The following CERKL variants were observed in gnomAD, a reference collection of about 807,000 sequenced individuals.
CERKL encodes ceramide kinase-like protein.
In CERKL, 61 loss-of-function variants were observed where a neutral mutation model predicts 63.4. The ratio of observed to expected loss-of-function variants is 0.96; its 90% CI spans 0.78 to 1.19. The LOEUF is 1.19. CERKL is among the 50% of genes most tolerant of loss of function. The pLI is 0.00. For synonymous variants in CERKL, 250 were observed against 230.5 expected (o/e 1.08, Z -0.77); for missense variants, 675 against 655.5 (o/e 1.03, Z -0.33).
chr2:181,582,236 T>C (rs914528361), intron 2 of CERKL, among the ~76,000 whole-genome samples: 5 of 152,160 alleles, frequency 3.3e-5, no homozygotes, highest in African/African-American at 1.2e-4. Context: ...TTGAGTGGGA[T>C]TGTAATGCTT....
chr2:181,583,918 G>A (rs1684645398), intron 2 of CERKL, among the ~76,000 whole-genome samples: 1 of 152,292 alleles, frequency 6.6e-6, no homozygotes, highest in Non-Finnish European at 1.5e-5. Context: ...AGTATTAAAT[G>A]TTAATAAGCA....
intron 1 of CERKL, among the ~76,000 whole-genome samples, chr2:181,646,268 C>T (rs1687667465): frequency 6.6e-6 from 1 of 152,164 alleles, no homozygotes; most frequent in Non-Finnish European, 1.5e-5. Flanking sequence ...AGATAGCTTC[C>T]TAAATACTCC....
chr2:181,574,802 C>T (rs1005322981), intron 2 of CERKL, among the ~76,000 whole-genome samples: 5 of 152,108 alleles, frequency 3.3e-5, no homozygotes, highest in Non-Finnish European at 7.4e-5. Context: ...TTGTCCACTA[C>T]AAGAAGTCAG....
intron 1 of CERKL, among the ~76,000 whole-genome samples, chr2:181,629,406 G>A (rs1165230122): frequency 6.6e-6 from 1 of 152,158 alleles, no homozygotes; most frequent in Non-Finnish European, 1.5e-5. Flanking sequence ...GAATAAAGCA[G>A]GGTAATAGCC....
intron 10 of CERKL, 57 bp downstream of exon 10, chr2:181,547,561 G>A: frequency 7.1e-7 from 1 of 1,415,368 alleles, no homozygotes; most frequent in Non-Finnish European, 1.0e-6. Context: ...TGGATACCCT[G>A]GAAAAAAAAT....
chr2:181,608,190 T>C (rs1378490318), intron 1 of CERKL, among the ~76,000 whole-genome samples: 1 of 151,828 alleles, frequency 6.6e-6, no homozygotes, highest in Non-Finnish European at 1.5e-5. Flanking sequence ...TTTTTAAGAG[T>C]TGCCTCTACA....
intron 1 of CERKL, among the ~76,000 whole-genome samples, chr2:181,650,535 G>A (rs1372507956): frequency 6.6e-6 from 1 of 152,308 alleles, no homozygotes; most frequent in East Asian, 1.9e-4. Flanking sequence ...ACGGCAGGCA[G>A]AACACCTGAG....
rs13423434 is a variant in CERKL, at chr2:181,580,957, C to T, written c.482-7073G>A. On this transcript the variant is annotated intron_variant, in intron 2 of 12. Transcript: ENST00000410087. The stretch of plus-strand genomic sequence containing the variant: ...ATTGATCTGTTTAGATTTCCTATGT[C>T]TTCTGGGTTCAGTTTGGTCATGTTC... Among the ~76,000 whole-genome samples the T allele has an allele frequency of 7.5e-3, 1,148 of 152,192 alleles. 9 individuals carry two copies. The highest frequency in any genetic ancestry group is 0.026 in the African/African-American group (1,073 of 41,530).
chr2:181,603,611 A>G, intron 2 of CERKL: 2 of 538,092 alleles, frequency 3.7e-6, no homozygotes, highest in Non-Finnish European at 6.7e-6. Context: ...ATGAAAATCA[A>G]TTAATATAAG....
intron 4 of CERKL, among the ~76,000 whole-genome samples, chr2:181,560,756 C>T (rs1349025277): frequency 6.6e-6 from 1 of 151,978 alleles, no homozygotes; most frequent in Admixed American, 6.6e-5. Context: ...ATATTAGATA[C>T]CTTTTCTATA....
intron 1 of CERKL, among the ~76,000 whole-genome samples, chr2:181,630,918 T>G (rs1337295418): frequency 6.6e-6 from 1 of 152,234 alleles, no homozygotes; most frequent in African/African-American, 2.4e-5. Context: ...CTTTTTTCAT[T>G]TCTGTGTTCC....
chr2:181,650,160 A>C (rs978520423), intron 1 of CERKL: 1 of 142,742 alleles, frequency 7.0e-6, no homozygotes, highest in Admixed American at 6.8e-5. Flanking sequence ...GAAGGAAGGA[A>C]GGAAAGAAGG....
In CERKL at chr2:181,653,790, G is replaced by T. The variant is rs116359622; in HGVS notation, c.238+2979C>A. Among the ~76,000 whole-genome samples the T allele has an allele frequency of 4.8e-3, 736 of 152,260 alleles. 3 individuals are homozygous for T. The highest frequency in any genetic ancestry group is 0.017 in the African/African-American group (697 of 41,564). On this transcript the variant is annotated intron_variant, in intron 1 of 12. Coordinates refer to ENST00000410087, the MANE Select transcript of CERKL (RefSeq NM_201548.5). Reference sequence around the variant, plus strand: ...AAGGATGGAGAGAGGTTAGTCAAAAGACACAAAGTTACAACTAGGTAGGAA... The same window carrying T: ...AAGGATGGAGAGAGGTTAGTCAAAATACACAAAGTTACAACTAGGTAGGAA...
chr2:181,571,069 A>C (rs1688882214), intron 3 of CERKL, among the ~76,000 whole-genome samples: 1 of 152,182 alleles, frequency 6.6e-6, no homozygotes, highest in South Asian at 2.1e-4. Flanking sequence ...TCTGTAGTAT[A>C]ATATACAAAG....
chr2:181,547,553 G>T (rs1687779401), intron 10 of CERKL, 65 bp downstream of exon 10: 2 of 1,281,918 alleles, frequency 1.6e-6, no homozygotes, highest in Non-Finnish European at 1.1e-6. Context: ...CAGTTAATTG[G>T]ATACCCTGGA....
At chr2:181,559,703 C>T (rs1023733105) in intron 4 of CERKL, among the ~76,000 whole-genome samples, 1 of 152,184 alleles carries the variant, frequency 6.6e-6, no homozygotes, top group Non-Finnish European at 1.5e-5. Context: ...AACACTATTT[C>T]AAACAAAACT....
At chr2:181,613,938 T>C (rs1992394) in intron 1 of CERKL, among the ~76,000 whole-genome samples, 55,617 of 152,170 alleles carry the variant, frequency 0.37, 11,310 homozygotes, top group South Asian at 0.67. Flanking sequence ...GTTTTCTCAC[T>C]CTGAATATAG....
chr2:181,597,977 G>A (rs1430628945), intron 2 of CERKL, among the ~76,000 whole-genome samples: 1 of 152,190 alleles, frequency 6.6e-6, no homozygotes, highest in Admixed American at 6.5e-5. Flanking sequence ...GCTAAAGGGG[G>A]CAACACCATG....
intron 1 of CERKL, among the ~76,000 whole-genome samples, chr2:181,616,809 G>C (rs1686217253): frequency 1.3e-5 from 2 of 152,114 alleles, no homozygotes; most frequent in Admixed American, 6.5e-5. Context: ...TTAATAAAAA[G>C]GTAGGTGTAT....
Sources: allele counts gnomAD v4.1 joint callset (sites outside exome capture counted in the v4.1 genomes callset), GRCh38; gene constraint gnomAD v4.1.1; transcripts MANE v1.5; gene names NCBI Gene and HGNC (gene_info 2026-07-23, HGNC 2026-07-21).